The following NLGN1 variants were observed in gnomAD, a reference collection of about 807,000 sequenced individuals.
NLGN1 encodes neuroligin 1.
A neutral mutation model predicts 65.5 loss-of-function variants in NLGN1; 12 were observed. That is an observed-to-expected ratio of 0.18 (90% CI 0.12 to 0.30). The LOEUF is 0.30. Ranked by LOEUF, NLGN1 falls within the 10% of genes least tolerant of loss-of-function variation. The pLI, the probability that NLGN1 is intolerant of heterozygous loss-of-function variation, is 1.00. For missense variants in NLGN1, 750 were observed against 1,007.1 expected (o/e 0.74, Z 3.46); for synonymous variants, 350 against 359.5 (o/e 0.97, Z 0.30).
chr3:173,723,574 AAG>A (rs1265049417), intron 3 of NLGN1, among the ~76,000 whole-genome samples: 3 of 152,162 alleles, frequency 2.0e-5, no homozygotes, highest in African/African-American at 7.2e-5. Context: ...AGTGATGACC[AAG>A]TTTGTTCATA....
chr3:174,140,728 T>C (rs1321295784), intron 4 of NLGN1, among the ~76,000 whole-genome samples: 2 of 152,156 alleles, frequency 1.3e-5, no homozygotes, highest in East Asian at 1.9e-4. Context: ...TAGTTTTCCA[T>C]GTCATGGATT....
intron 3 of NLGN1, among the ~76,000 whole-genome samples, chr3:173,800,722 C>T (rs543561963): frequency 4.6e-5 from 7 of 151,596 alleles, no homozygotes; most frequent in Non-Finnish European, 1.0e-4. Flanking sequence ...GTTTTCTAAT[C>T]TATGTAAATA....
intron 2 of NLGN1, among the ~76,000 whole-genome samples, chr3:173,466,951 T>C (rs1724461236): frequency 6.6e-6 from 1 of 152,176 alleles, no homozygotes; most frequent in African/African-American, 2.4e-5. Flanking sequence ...TTCAAAAATT[T>C]GTTGCCTTCT....
At chr3:174,172,254 G>T (rs1288528479) in intron 4 of NLGN1, among the ~76,000 whole-genome samples, 1 of 151,932 alleles carries the variant, frequency 6.6e-6, no homozygotes, top group Non-Finnish European at 1.5e-5. Context: ...GGGGTGAATG[G>T]GGTATCCATC....
intron 4 of NLGN1, among the ~76,000 whole-genome samples, chr3:174,045,875 A>T (rs908612966): frequency 2.0e-5 from 3 of 152,194 alleles, no homozygotes; most frequent in Non-Finnish European, 4.4e-5. Context: ...CAGTTGAAAC[A>T]AAACAGACAT....
intron 3 of NLGN1, among the ~76,000 whole-genome samples, chr3:173,762,691 A>G (rs540947588): frequency 4.6e-5 from 7 of 152,168 alleles, no homozygotes; most frequent in Admixed American, 3.9e-4. Context: ...CCTGAAAGTT[A>G]ATGTTTCTCT....
At chr3:173,471,344 A>G (rs1376048935) in intron 2 of NLGN1, among the ~76,000 whole-genome samples, 2 of 152,126 alleles carry the variant, frequency 1.3e-5, no homozygotes, top group Non-Finnish European at 2.9e-5. Context: ...TCTGAGGGCT[A>G]TGAGGAACAA....
intron 4 of NLGN1, among the ~76,000 whole-genome samples, chr3:174,068,097 T>C (rs1739036830): frequency 6.6e-6 from 1 of 151,992 alleles, no homozygotes; most frequent in African/African-American, 2.4e-5. Context: ...TACTGGAAAT[T>C]GGCATTTTAG....
At chr3:174,029,740 A>G (rs1046685190) in intron 4 of NLGN1, among the ~76,000 whole-genome samples, 1 of 152,162 alleles carries the variant, frequency 6.6e-6, no homozygotes, top group African/African-American at 2.4e-5. Context: ...GAGATAATTG[A>G]ATCATGGGAG....
chr3:174,086,586 AC>A (rs1378241415), intron 4 of NLGN1, among the ~76,000 whole-genome samples: 7 of 151,618 alleles, frequency 4.6e-5, no homozygotes, highest in African/African-American at 1.4e-4. Context: ...ACTATATAAA[AC>A]ATATAGTTAC....
At chr3:173,564,899 A>C (rs1301016106) in intron 2 of NLGN1, among the ~76,000 whole-genome samples, 1 of 152,232 alleles carries the variant, frequency 6.6e-6, no homozygotes, top group African/African-American at 2.4e-5. Flanking sequence ...GTATTATTTC[A>C]TTCAGTGAAT....
intron 4 of NLGN1, among the ~76,000 whole-genome samples, chr3:174,033,285 A>G (rs902972557): frequency 6.6e-6 from 1 of 152,166 alleles, no homozygotes; most frequent in Non-Finnish European, 1.5e-5. Flanking sequence ...TGGCACTATG[A>G]CTACTGCAAA....
At chr3:174,117,582 C>T (rs1008425904) in intron 4 of NLGN1, among the ~76,000 whole-genome samples, 18 of 150,924 alleles carry the variant, frequency 1.2e-4, no homozygotes, top group African/African-American at 3.9e-4. Flanking sequence ...GATCACGCTA[C>T]TGCACTCCAG....
chr3:173,528,622 G>A (rs1312234125), intron 2 of NLGN1, among the ~76,000 whole-genome samples: 1 of 151,844 alleles, frequency 6.6e-6, no homozygotes, highest in African/African-American at 2.4e-5. Flanking sequence ...TTTCTCCAAG[G>A]CTTTGTTTAT....
intron 4 of NLGN1, among the ~76,000 whole-genome samples, chr3:173,875,720 A>G (rs980200507): frequency 1.3e-5 from 2 of 152,290 alleles, no homozygotes; most frequent in Admixed American, 6.5e-5. Flanking sequence ...TGTGCTTTCA[A>G]TTAGGCTTAT....
intron 4 of NLGN1, among the ~76,000 whole-genome samples, chr3:173,885,071 C>T (rs1734084525): frequency 6.6e-6 from 1 of 152,106 alleles, no homozygotes; most frequent in Non-Finnish European, 1.5e-5. Flanking sequence ...GATTATTTTT[C>T]AACATAATGA....
intron 4 of NLGN1, among the ~76,000 whole-genome samples, chr3:174,062,645 T>G (rs1276181669): frequency 6.6e-6 from 1 of 152,066 alleles, no homozygotes; most frequent in Non-Finnish European, 1.5e-5. Context: ...TATCATTCAC[T>G]CATATAGCCT....
intron 1 of NLGN1, among the ~76,000 whole-genome samples, chr3:173,427,726 C>G (rs1240193529): frequency 6.6e-6 from 1 of 151,770 alleles, no homozygotes; most frequent in Non-Finnish European, 1.5e-5. Context: ...TGCTTTGTGG[C>G]CTAAGATATG....
At chr3:173,516,704 C>T (rs1010999338) in intron 2 of NLGN1, among the ~76,000 whole-genome samples, 5 of 152,060 alleles carry the variant, frequency 3.3e-5, no homozygotes, top group African/African-American at 1.2e-4. Context: ...AGCTGATCAA[C>T]TTTATGTATG....
Sources: gnomAD v4.1 joint callset for allele counts (sites outside exome capture counted in the v4.1 genomes callset) on GRCh38, gnomAD v4.1.1 for gene constraint, MANE v1.5 for transcripts, NCBI Gene and HGNC (gene_info 2026-07-23, HGNC 2026-07-21) for gene names.